PTER: variants seen among roughly 807,000 people sequenced by gnomAD.
PTER encodes the protein phosphotriesterase related, also known as N-acetyltaurine hydrolase.
PTER carries 38 observed loss-of-function variants against 29.6 expected under a neutral mutation model. That is an observed-to-expected ratio of 1.28 (90% CI 0.99 to 1.68). The LOEUF (loss-of-function observed/expected upper bound fraction) is 1.68, where lower values mean the gene tolerates loss of function less well. Among genes scored for constraint, PTER ranks in the 40% most tolerant of loss-of-function variants. The pLI, the probability that PTER is intolerant of heterozygous loss-of-function variation, is 0.00. For missense variants in PTER, 482 were observed against 427.8 expected (o/e 1.13, Z -1.12); for synonymous variants, 172 against 154.5 (o/e 1.11, Z -0.84).
intron 1 of PTER, among the ~76,000 whole-genome samples, chr10:16,462,238 G>A (rs1025483057): frequency 1.3e-5 from 2 of 151,762 alleles, no homozygotes; most frequent in Admixed American, 1.3e-4. Flanking sequence ...CACCCGCCTC[G>A]GCCTCCCAAA....
chr10:16,442,739 G>A (rs888162362), intron 1 of PTER, among the ~76,000 whole-genome samples: 1 of 152,166 alleles, frequency 6.6e-6, no homozygotes, highest in Non-Finnish European at 1.5e-5. Flanking sequence ...TAGCACTTTG[G>A]GAGACCAAGG....
At chr10:16,492,655 T>C (rs563225892) in intron 3 of PTER, among the ~76,000 whole-genome samples, 4 of 152,366 alleles carry the variant, frequency 2.6e-5, no homozygotes, top group African/African-American at 9.6e-5. Flanking sequence ...TTGAGCCCCC[T>C]GGAGGGGAAA....
At chr10:16,499,834 C>A (rs937942424) in intron 3 of PTER, among the ~76,000 whole-genome samples, 2 of 152,018 alleles carry the variant, frequency 1.3e-5, no homozygotes, top group Non-Finnish European at 2.9e-5. Flanking sequence ...AGAAAAAAAA[C>A]TGCATATATA....
chr10:16,506,912 A>AT (rs1324405822), intron 4 of PTER, among the ~76,000 whole-genome samples: 2 of 151,978 alleles, frequency 1.3e-5, no homozygotes, highest in African/African-American at 4.8e-5. Context: ...ATGCCTGTGT[A>AT]TTGGCACCAA....
intron 1 of PTER, among the ~76,000 whole-genome samples, chr10:16,441,165 G>T (rs1833837101): frequency 1.3e-5 from 2 of 152,244 alleles, no homozygotes; most frequent in Admixed American, 1.3e-4. Context: ...GAAGGGATAA[G>T]AATCAAGGCT....
intron 4 of PTER, among the ~76,000 whole-genome samples, chr10:16,506,752 A>T (rs1346153386): frequency 6.6e-6 from 1 of 151,122 alleles, no homozygotes; most frequent in Non-Finnish European, 1.5e-5. Context: ...TGAGGTGGAC[A>T]TGGTTATCTC....
Position 16,496,598 on chromosome 10 carries a change from A to C in PTER, c.699-8422A>C, listed in dbSNP as rs568626390. On this transcript the variant is annotated intron_variant, in intron 3 of 4. Transcript: ENST00000535784. ...TCCAGAAACAGCCAACCACTGTTTG[A>C]TATCTCCTTCTCTTTGCCAACCTAG... 5.6e-4 allele frequency among the ~76,000 whole-genome samples: 86 copies of C among 152,296 alleles called. No homozygotes were observed. The South Asian group carries it at 0.018, about 32-fold the overall frequency.
intron 1 of PTER, among the ~76,000 whole-genome samples, chr10:16,467,412 T>A (rs1309526104): frequency 6.6e-6 from 1 of 152,098 alleles, no homozygotes; most frequent in Admixed American, 6.6e-5. Context: ...TTTCTTTGGA[T>A]AAGAGGGCAC....
chr10:16,438,428 G>T (rs1352865441), intron 1 of PTER, among the ~76,000 whole-genome samples: 4 of 150,866 alleles, frequency 2.7e-5, no homozygotes, highest in Non-Finnish European at 5.9e-5. Flanking sequence ...TCCCACAGGT[G>T]CACACCACCA....
At chr10:16,449,475 G>A (rs1023343532) in intron 1 of PTER, among the ~76,000 whole-genome samples, 3 of 120,916 alleles carry the variant, frequency 2.5e-5, no homozygotes, top group Middle Eastern at 8.5e-3. Flanking sequence ...TCACTCCGTC[G>A]CCCAGGGTAC....
chr10:16,448,892 AG>A (rs1474700221), intron 1 of PTER, among the ~76,000 whole-genome samples: 1 of 152,254 alleles, frequency 6.6e-6, no homozygotes, highest in Non-Finnish European at 1.5e-5. Flanking sequence ...TCGCCAAGTC[AG>A]TGGCTGCATT....
At chr10:16,508,835 A>G (rs1836699959) in intron 4 of PTER, among the ~76,000 whole-genome samples, 1 of 152,152 alleles carries the variant, frequency 6.6e-6, no homozygotes, top group East Asian at 1.9e-4. Context: ...CGTGTGCTCC[A>G]GTACCCACTG....
intron 1 of PTER, among the ~76,000 whole-genome samples, chr10:16,443,721 A>G (rs1338224371): frequency 6.6e-6 from 1 of 152,236 alleles, no homozygotes; most frequent in Non-Finnish European, 1.5e-5. Context: ...TCTGAATGAC[A>G]AACATCCAAA....
chr10:16,444,546 C>T (rs1264716311), intron 1 of PTER, among the ~76,000 whole-genome samples: 3 of 151,960 alleles, frequency 2.0e-5, no homozygotes, highest in African/African-American at 7.3e-5. Flanking sequence ...CACAGGGATG[C>T]ACCTGGTTAA....
intron 3 of PTER, 41 bp downstream of exon 3, chr10:16,486,658 A>T (rs982714804): frequency 3.8e-6 from 6 of 1,562,138 alleles, no homozygotes; most frequent in Middle Eastern, 3.4e-4. Flanking sequence ...ACTGCCATAT[A>T]ATTAATGCAT....
chr10:16,468,374 C>CTT (rs5783507), intron 1 of PTER, among the ~76,000 whole-genome samples: 4 of 148,670 alleles, frequency 2.7e-5, no homozygotes, highest in Admixed American at 2.7e-4. Context: ...ATGTTTAGCT[C>CTT]TTTTTTTTTT....
intron 4 of PTER, among the ~76,000 whole-genome samples, chr10:16,505,430 AC>A (rs1184896297): frequency 6.6e-6 from 1 of 151,958 alleles, no homozygotes; most frequent in Non-Finnish European, 1.5e-5. Flanking sequence ...ATAATACCCA[AC>A]CCCTGCCATG....
chr10:16,517,163 C>A (rs2133538881), downstream of PTER, among the ~76,000 whole-genome samples: 1 of 152,320 alleles, frequency 6.6e-6, no homozygotes, highest in South Asian at 2.1e-4. Context: ...TAAGATCCAT[C>A]CTTCCTTCAG....
At chr10:16,471,185 T>C (rs757375563) in intron 1 of PTER, among the ~76,000 whole-genome samples, 9 of 152,220 alleles carry the variant, frequency 5.9e-5, no homozygotes, top group Non-Finnish European at 1.2e-4. Context: ...ATCTGAAATA[T>C]TGCGCAGGAA....
Sources: allele counts gnomAD v4.1 joint callset (sites outside exome capture counted in the v4.1 genomes callset), GRCh38; gene constraint gnomAD v4.1.1; transcripts MANE v1.5; gene names NCBI Gene and HGNC (gene_info 2026-07-23, HGNC 2026-07-21).